Variants in BIRC6 observed in about 807,000 individuals in gnomAD.
The protein encoded by BIRC6 is dual E2 ubiquitin-conjugating enzyme/E3 ubiquitin-protein ligase BIRC6.
BIRC6 carries 98 observed loss-of-function variants against 503.3 expected under a neutral mutation model. The ratio of observed to expected loss-of-function variants is 0.19; its 90% CI spans 0.17 to 0.23. The LOEUF (loss-of-function observed/expected upper bound fraction) is 0.23, where lower values mean the gene tolerates loss of function less well. Among genes scored for constraint, BIRC6 ranks in the 10% least tolerant of loss-of-function variants. The pLI, the probability that BIRC6 is intolerant of heterozygous loss-of-function variation, is 1.00. For missense variants in BIRC6, 5,360 were observed against 5,806.0 expected (o/e 0.92, Z 2.50); for synonymous variants, 2,240 against 2,078.7 (o/e 1.08, Z -2.11).
At chr2:32,599,529 T>G (rs2061909843) in intron 69 of BIRC6, among the ~76,000 whole-genome samples, 1 of 151,692 alleles carries the variant, frequency 6.6e-6, no homozygotes, top group South Asian at 2.1e-4. Flanking sequence ...TCCCAGCTAT[T>G]CAGGAGGCTG....
rs35744882 is a variant in BIRC6, at chr2:32,599,021, C to CAAAAAA, written c.13831-698_13831-693dup. On this transcript the variant is annotated intron_variant, in intron 69 of 73. Coordinates refer to ENST00000421745, the MANE Select transcript of BIRC6 (RefSeq NM_016252.4). ...TGGGCGGTGGAGTGAAACTCCATCT[C>CAAAAAA]AAAAAAAAAAAAAAAAAAAAAAAAA... is the stretch of plus-strand genomic sequence containing the variant. Among the ~76,000 whole-genome samples the CAAAAAA allele has an allele frequency of 6.1e-4, 17 of 27,754 alleles. 1 individual carries two copies. Among genetic ancestry groups the CAAAAAA allele is most frequent in the East Asian group, 2.4e-3 (2 of 826 alleles). 18.2% of individuals were successfully genotyped at this position (27,754 alleles called of 152,430 possible). A position where few individuals can be genotyped will look rare whatever the true frequency, so the allele number is the denominator to read the frequency against.
chr2:32,460,272 A>ATATATATT (rs1278940587), intron 23 of BIRC6, among the ~76,000 whole-genome samples: 8 of 18,816 alleles, frequency 4.3e-4, no homozygotes, highest in African/African-American at 5.5e-4. Context: ...ATATATATAT[A>ATATATATT]TTTTTTTTTT....
chr2:32,358,129 T>A (rs1344819425), intron 1 of BIRC6, among the ~76,000 whole-genome samples: 4 of 151,978 alleles, frequency 2.6e-5, no homozygotes, highest in Non-Finnish European at 5.9e-5. Context: ...TGTAGGACTC[T>A]GCGGACGCCG....
chr2:32,597,103 A>G (rs2061724379), intron 68 of BIRC6, among the ~76,000 whole-genome samples: 1 of 152,226 alleles, frequency 6.6e-6, no homozygotes, highest in Non-Finnish European at 1.5e-5. Context: ...AAGAAACTGC[A>G]TTTTCAACCA....
At chr2:32,392,440 G>C (rs943913509) in intron 5 of BIRC6, among the ~76,000 whole-genome samples, 10 of 151,958 alleles carry the variant, frequency 6.6e-5, no homozygotes, top group African/African-American at 1.2e-4. Context: ...ATTTTTAGTA[G>C]AGATGGGGTT....
chr2:32,598,074 A>T, intron 69 of BIRC6, 106 bp downstream of exon 69: 2 of 1,103,854 alleles, frequency 1.8e-6, no homozygotes, highest in African/African-American at 3.2e-5. Flanking sequence ...ATTATACAAA[A>T]CACTAGAAAT....
intron 9 of BIRC6, among the ~76,000 whole-genome samples, chr2:32,410,074 A>C (rs532579049): frequency 6.6e-5 from 10 of 152,332 alleles, no homozygotes; most frequent in African/African-American, 2.4e-4. Context: ...ATTTGTGTTA[A>C]TATATGTAAT....
chr2:32,584,842 G>T (rs1303568649), intron 66 of BIRC6, among the ~76,000 whole-genome samples: 1 of 152,134 alleles, frequency 6.6e-6, no homozygotes, highest in Admixed American at 6.5e-5. Flanking sequence ...CTCTAGGTGA[G>T]ATCCATTCCC....
intron 22 of BIRC6, 51 bp downstream of exon 22, chr2:32,448,979 A>C (rs2046382055): frequency 6.4e-7 from 1 of 1,553,142 alleles, no homozygotes; most frequent in Non-Finnish European, 8.8e-7. Flanking sequence ...TCTTGGATTT[A>C]AGTTGCCATT....
At chr2:32,550,912 C>CCCCGT in intron 65 of BIRC6, among the ~76,000 whole-genome samples, 1 of 152,226 alleles carries the variant, frequency 6.6e-6, no homozygotes, top group African/African-American at 2.4e-5. Flanking sequence ...TTTAATGTGA[C>CCCCGT]AGATCGAAGT....
rs1423761928 is a variant in BIRC6 at position 32,464,737 on chromosome 2, C to T, written c.5170C>T (p.Leu1724Phe). The stretch of plus-strand genomic sequence containing the variant: ...AGTTTCCGTTGTGATTAATGCCGAA[C>T]TTGCACAGCTTTTCCCAGGCTCAGT... Reference protein sequence around the residue: ...EAVSVVINAELAQLFPGSVID... With the variant: ...EAVSVVINAEFAQLFPGSVID... The change falls in exon 25 of 74, where the codon CTT (leucine) becomes TTT (phenylalanine). Residue 1724 changes from leucine to phenylalanine, a missense_variant. Leu to Phe is a conservative substitution (Grantham distance 22, BLOSUM62 0). This residue lies in a region of BIRC6 where 2,299 missense variants were observed against 2,267.2 expected (regional missense o/e 1.01). Transcript: ENST00000421745. The T allele has an allele frequency of 1.9e-6, 3 of 1,614,028 alleles. No individual in the cohort carries two copies. The highest frequency in any genetic ancestry group is 1.7e-6 in the Non-Finnish European group (2 of 1,179,894).
At chr2:32,488,737 C>T (rs749819887) in intron 42 of BIRC6, 23 bp downstream of exon 42, 25 of 1,331,750 alleles carry the variant, frequency 1.9e-5, no homozygotes, top group Non-Finnish European at 2.0e-5. Context: ...AGGAGAAAAA[C>T]ATTATAGTCT....
intron 65 of BIRC6, among the ~76,000 whole-genome samples, chr2:32,569,189 G>T (rs900964829): frequency 6.6e-6 from 1 of 151,816 alleles, no homozygotes; most frequent in Non-Finnish European, 1.5e-5. Context: ...GGGTTTCGCC[G>T]TGTTGACCAG....
At chr2:32,553,917 A>G (rs2058611496) in intron 65 of BIRC6, among the ~76,000 whole-genome samples, 1 of 152,144 alleles carries the variant, frequency 6.6e-6, no homozygotes, top group South Asian at 2.1e-4. Flanking sequence ...TGTTCATTTT[A>G]ATTTCTTTCT....
chr2:32,582,379 C>A (rs969594271), intron 66 of BIRC6, among the ~76,000 whole-genome samples: 1 of 152,002 alleles, frequency 6.6e-6, no homozygotes, highest in African/African-American at 2.4e-5. Flanking sequence ...ACACTGTACT[C>A]CTTTTAGGTG....
chr2:32,442,883 TC>T (rs1050804246), intron 19 of BIRC6, among the ~76,000 whole-genome samples: 2 of 152,030 alleles, frequency 1.3e-5, no homozygotes, highest in African/African-American at 4.8e-5. Flanking sequence ...TCTGCCCTGA[TC>T]CCCAGGGCAT....
chr2:32,504,191 G>T (rs1018470660), intron 49 of BIRC6, among the ~76,000 whole-genome samples: 3 of 151,962 alleles, frequency 2.0e-5, no homozygotes, highest in African/African-American at 7.3e-5. Context: ...GAGCCACTGT[G>T]CCTGGCCTTA....
Position 32,463,392 on chromosome 2 carries a change from A to G in BIRC6, c.4941+11A>G, listed in dbSNP as rs773577634. 5.0e-6 allele frequency: 8 copies of G among 1,588,468 alleles called. No homozygotes were observed. The highest frequency in any genetic ancestry group is 4.5e-5 in the East Asian group (2 of 44,106). On this transcript the variant is annotated intron_variant, in intron 24 of 73. Coordinates refer to ENST00000421745, the MANE Select transcript of BIRC6 (RefSeq NM_016252.4). ...AAGCTTCAGCAACAGGTTGGAGACT[A>G]TTTGGCTCTTTGTTCATGCTGTCTC...
chr2:32,450,048 GCCTT>G (rs2046509801), intron 22 of BIRC6, among the ~76,000 whole-genome samples: 1 of 152,142 alleles, frequency 6.6e-6, no homozygotes, highest in African/African-American at 2.4e-5. Flanking sequence ...AGATACCAAT[GCCTT>G]CAGTATACCA....
Sources: allele counts gnomAD v4.1 joint callset (sites outside exome capture counted in the v4.1 genomes callset), GRCh38; gene constraint gnomAD v4.1.1; regional missense constraint gnomAD v4.1.1; transcripts MANE v1.5; gene names NCBI Gene and HGNC (gene_info 2026-07-23, HGNC 2026-07-21).